Variants in ZFP64 observed in about 807,000 individuals in gnomAD.
ZFP64 encodes the protein ZFP64 zinc finger protein.
A neutral mutation model predicts 51.6 loss-of-function variants in ZFP64; 14 were observed. That is an observed-to-expected ratio of 0.27 (90% confidence interval 0.18 to 0.42). The LOEUF (loss-of-function observed/expected upper bound fraction) is 0.42, where lower values mean the gene tolerates loss of function less well. Ranked by LOEUF, ZFP64 falls within the 10% of genes least tolerant of loss-of-function variation. The pLI, the probability that ZFP64 is intolerant of heterozygous loss-of-function variation, is 1.00. For missense variants in ZFP64, 754 were observed against 906.8 expected (o/e 0.83, Z 2.16); for synonymous variants, 375 against 361.4 (o/e 1.04, Z -0.43).
chr20:52,088,835 TC>T, intron 7 of ZFP64: 2 of 766,584 alleles, frequency 2.6e-6, no homozygotes, highest in Non-Finnish European at 4.2e-6. Context: ...AGTTCAGAAA[TC>T]CTAAGGGAAA....
downstream of ZFP64, chr20:52,151,131 T>C (rs1395317819): frequency 1.6e-6 from 1 of 629,146 alleles, no homozygotes; most frequent in Non-Finnish European, 2.0e-6. Flanking sequence ...CACATCTATT[T>C]AATGTGACTG....
rs141393438 is a variant in ZFP64, at chr20:52,182,264, T to G, written c.286+4568A>C. Among the ~76,000 whole-genome samples, 1,289 of 152,270 alleles carry G rather than the reference T, an allele frequency of 8.5e-3. 22 individuals are homozygous for G. Among genetic ancestry groups the G allele is most frequent in the African/African-American group, 0.029 (1,216 of 41,542 alleles). On this transcript the variant is annotated intron_variant, in intron 2 of 5. Coordinates refer to ENST00000216923, the MANE Select transcript of ZFP64 (RefSeq NM_018197.3). ...AGCAGTCTATCTCTGAGCTTGTGGC[T>G]CCCTTCAGCACTGTGCAGGGGAGGG...
At chr20:52,088,949 T>A (rs1208822435) in intron 7 of ZFP64, 1 of 563,986 alleles carries the variant, frequency 1.8e-6, no homozygotes, top group South Asian at 1.4e-5. Flanking sequence ...GTGGCAGCTG[T>A]AGGGATCTTG....
chr20:52,103,764 C>T (rs997289845), intron 5 of ZFP64, among the ~76,000 whole-genome samples: 3 of 152,254 alleles, frequency 2.0e-5, no homozygotes, highest in African/African-American at 7.2e-5. Context: ...TCCTGTAAGT[C>T]TCACCTGCCT....
At position 52,088,488 on chromosome 20, in the gene ZFP64, G is replaced by A. The variant is rs760668340; in HGVS notation, c.1132C>T (p.Arg378Trp). 21 of 1,614,038 alleles carry A rather than the reference G, an allele frequency of 1.3e-5. No homozygotes were observed. The East Asian group carries it at 2.0e-4, about 15-fold the overall frequency. Reference sequence around the variant, plus strand: ...TACGGCCGCTCATCAGAGTGGATCCGCAGGTGCTTCTTGAGGCTACTGCTG... The same window carrying A: ...TACGGCCGCTCATCAGAGTGGATCCACAGGTGCTTCTTGAGGCTACTGCTG... The change falls in exon 8 of 9, where the codon CGG (arginine) becomes TGG (tryptophan). Residue 378 changes from arginine (R) to tryptophan (W), a missense_variant. Physicochemically the swap from Arg to Trp is moderately radical, Grantham distance 101 (BLOSUM62 -3). Transcript: ENST00000361387.
At chr20:52,094,078 G>A (rs187691839) in intron 7 of ZFP64, among the ~76,000 whole-genome samples, 46 of 152,234 alleles carry the variant, frequency 3.0e-4, no homozygotes, top group Middle Eastern at 6.8e-3. Context: ...TGGCTGTTCC[G>A]GACAGAGGCA....
At chr20:52,181,962 G>A (rs1002176417) in intron 2 of ZFP64, among the ~76,000 whole-genome samples, 2 of 152,178 alleles carry the variant, frequency 1.3e-5, no homozygotes, top group Non-Finnish European at 2.9e-5. Flanking sequence ...CCATCAGGAG[G>A]AGCAGCTGAG....
At chr20:52,124,708 C>T (rs1167406241) in intron 5 of ZFP64, among the ~76,000 whole-genome samples, 3 of 151,752 alleles carry the variant, frequency 2.0e-5, no homozygotes, top group Non-Finnish European at 2.9e-5. Context: ...CTCCCAGGCT[C>T]GGTTGCTCCT....
chr20:52,097,244 C>T, intron 7 of ZFP64: 1 of 1,122,834 alleles, frequency 8.9e-7, no homozygotes, highest in Non-Finnish European at 1.4e-6. Context: ...CCCAAGCCCA[C>T]CCCACTAGAC....
At chr20:52,142,220 T>C (rs1450612508) in intron 5 of ZFP64, among the ~76,000 whole-genome samples, 1 of 151,768 alleles carries the variant, frequency 6.6e-6, no homozygotes, top group Admixed American at 6.6e-5. Context: ...ATACAAAAAT[T>C]AGCTGGGCAT....
intron 1 of ZFP64, among the ~76,000 whole-genome samples, chr20:52,188,587 GA>G (rs1016208352): frequency 1.3e-5 from 2 of 151,096 alleles, no homozygotes; most frequent in African/African-American, 4.9e-5. Flanking sequence ...CCCTCCCTGG[GA>G]TTACAGGAGT....
chr20:52,150,657 G>A (rs1274574221), downstream of ZFP64, among the ~76,000 whole-genome samples: 1 of 152,136 alleles, frequency 6.6e-6, no homozygotes, highest in African/African-American at 2.4e-5. Context: ...ACAGATCAAA[G>A]AAAGAAGAAT....
At chr20:52,163,786 C>CT (rs11480360) in intron 4 of ZFP64, among the ~76,000 whole-genome samples, 40,512 of 151,908 alleles carry the variant, frequency 0.27, 5,594 homozygotes, top group African/African-American at 0.32. Context: ...GCATATAACA[C>CT]TTGTTAAAAA....
At chr20:52,174,431 C>G (rs527545247) in intron 2 of ZFP64, among the ~76,000 whole-genome samples, 1 of 133,782 alleles carries the variant, frequency 7.5e-6, no homozygotes, top group East Asian at 2.2e-4. Flanking sequence ...TGCAGTGGGC[C>G]AAGATCGCGT....
chr20:52,152,799 T>C lies in ZFP64; in HGVS notation c.1393A>G (p.Ile465Val), dbSNP rs768388311. The C allele has an allele frequency of 9.9e-6, 16 of 1,610,914 alleles. No individual in the cohort carries two copies. In the Admixed American group the frequency reaches 2.7e-4, roughly 27 times the overall value. ...GTGGCGGGCTGCTTGCTGGGGTCGATCTGAAACTGGAGAACGGTCACGTCC... is the reference window on the plus strand; with the variant it reads ...GTGGCGGGCTGCTTGCTGGGGTCGACCTGAAACTGGAGAACGGTCACGTCC... ...NSDVTVLQFQ[I>V]DPSKQPATPL... The change falls in exon 6 of 6, where the codon ATC becomes GTC. Residue 465 changes from isoleucine (I) to valine (V), a missense_variant. This residue lies in a region of ZFP64 where 428 missense variants were observed against 472.4 expected (regional missense o/e 0.91). Transcript: ENST00000216923.
At chr20:52,178,317 T>C (rs978221508) in intron 2 of ZFP64, among the ~76,000 whole-genome samples, 15 of 152,164 alleles carry the variant, frequency 9.9e-5, no homozygotes, top group African/African-American at 3.6e-4. Context: ...TGAGACCCGG[T>C]TCTGCCACTT....
intron 5 of ZFP64, among the ~76,000 whole-genome samples, chr20:52,142,839 C>CAAAAAAAAAAAAAAA (rs386393987): frequency 1.5e-4 from 8 of 55,054 alleles, no homozygotes; most frequent in Non-Finnish European, 2.5e-4. Flanking sequence ...GACTCCATCT[C>CAAAAAAAAAAAAAAA]AAAAAAAAAA....
downstream of ZFP64, among the ~76,000 whole-genome samples, chr20:52,147,223 AT>A (rs1343481093): frequency 5.9e-5 from 9 of 151,896 alleles, no homozygotes; most frequent in African/African-American, 2.2e-4. Flanking sequence ...TTTTTTTGAG[AT>A]GGAGTTGCAC....
intron 5 of ZFP64, among the ~76,000 whole-genome samples, chr20:52,119,387 A>G (rs1379603338): frequency 6.6e-6 from 1 of 151,448 alleles, no homozygotes; most frequent in African/African-American, 2.4e-5. Context: ...GTGGTGGTGC[A>G]CAGCTGTAAT....
Sources: allele counts gnomAD v4.1 joint callset (sites outside exome capture counted in the v4.1 genomes callset), GRCh38; gene constraint gnomAD v4.1.1; regional missense constraint gnomAD v4.1.1; transcripts MANE v1.5; gene names NCBI Gene and HGNC (gene_info 2026-07-23, HGNC 2026-07-21).